The following SETDB2 variants were observed in gnomAD, a reference collection of about 807,000 sequenced individuals.
SETDB2 encodes the protein SET domain bifurcated histone lysine methyltransferase 2, also known as histone-lysine N-methyltransferase SETDB2.
Under a neutral mutation model 82.5 loss-of-function variants are expected in SETDB2, and 56 were observed. That is an observed-to-expected ratio of 0.68 (90% CI 0.55 to 0.85). The LOEUF (loss-of-function observed/expected upper bound fraction) is 0.85. Among genes scored for constraint, SETDB2 ranks in the 40% least tolerant of loss-of-function variants. The pLI, the probability that SETDB2 is intolerant of heterozygous loss-of-function variation, is 0.00. For missense variants in SETDB2, 677 were observed against 816.4 expected, an observed-to-expected ratio of 0.83 and a Z score of 2.08; for synonymous variants, 272 against 284.9, an observed-to-expected ratio of 0.95 and a Z score of 0.46.
At chr13:49,474,797 A>T (rs1286187812) in intron 5 of SETDB2, among the ~76,000 whole-genome samples, 2 of 152,236 alleles carry the variant, frequency 1.3e-5, no homozygotes, top group Admixed American at 1.3e-4. Context: ...TATGGTAGCC[A>T]CTAGCTGCAT....
In SETDB2 at chr13:49,490,823, A is replaced by G; in HGVS notation, c.1919A>G (p.His640Arg). Residue 640 changes from histidine to arginine, a missense_variant and splice_region_variant, in exon 13 of 14, where the codon CAT (histidine) becomes CGT (arginine). Transcript: ENST00000611815. ...TTTGTGTTTATTTTTATTTAACAGC[A>G]TAGTTGTTGCCCAAATCTCTTGGTA... ...KEGNVGRFLN[H>R]SCCPNLLVQN... The G allele has an allele frequency of 6.2e-7, 1 of 1,607,814 alleles. No homozygotes were observed. Among genetic ancestry groups the G allele is most frequent in the Non-Finnish European group, 8.5e-7 (1 of 1,175,772 alleles).
intron 2 of SETDB2, among the ~76,000 whole-genome samples, chr13:49,453,958 C>G (rs569761703): frequency 2.6e-5 from 4 of 152,108 alleles, no homozygotes; most frequent in South Asian, 4.2e-4. Context: ...TTAAGCTAAC[C>G]ATGAAATTAC....
intron 6 of SETDB2, 144 bp from the exon 7 acceptor site, chr13:49,480,075 G>T: frequency 3.6e-6 from 2 of 548,420 alleles, no homozygotes; most frequent in South Asian, 2.7e-5. Context: ...ATCTATTTAG[G>T]GAAAAAGCTG....
At chr13:49,460,938 C>T (rs1957980097) in intron 3 of SETDB2, among the ~76,000 whole-genome samples, 159 bp from the exon 4 acceptor site, 1 of 152,164 alleles carries the variant, frequency 6.6e-6, no homozygotes, top group Non-Finnish European at 1.5e-5. Flanking sequence ...ATAGCTTAAC[C>T]TCTGAGCCTC....
At chr13:49,467,832 A>G (rs1408611019) in intron 4 of SETDB2, 32 bp from the exon 5 acceptor site, 8 of 1,526,076 alleles carry the variant, frequency 5.2e-6, no homozygotes, top group African/African-American at 1.4e-5. Context: ...TTAACTTGGT[A>G]TATTTGTTGC....
At chr13:49,480,400 G>C in intron 7 of SETDB2, 65 bp downstream of exon 7, 8 of 941,124 alleles carry the variant, frequency 8.5e-6, no homozygotes, top group Non-Finnish European at 1.3e-5. Flanking sequence ...TTTTTATTGT[G>C]GTCCAAAATC....
intron 5 of SETDB2, among the ~76,000 whole-genome samples, chr13:49,475,428 A>G (rs1289063501): frequency 6.6e-6 from 1 of 152,174 alleles, no homozygotes; most frequent in African/African-American, 2.4e-5. Flanking sequence ...TATGTAAAAC[A>G]AAACTCAGAT....
intron 4 of SETDB2, among the ~76,000 whole-genome samples, chr13:49,467,171 A>G (rs1262386370): frequency 1.3e-5 from 2 of 152,130 alleles, no homozygotes; most frequent in African/African-American, 2.4e-5. Flanking sequence ...GCCCAGGTGC[A>G]CGGATCACTT....
intron 8 of SETDB2, chr13:49,482,073 C>A: frequency 1.0e-6 from 1 of 985,386 alleles, no homozygotes; most frequent in Non-Finnish European, 1.2e-6. Flanking sequence ...ATCTCTCATA[C>A]TTCTCAAAAT....
intron 5 of SETDB2, among the ~76,000 whole-genome samples, chr13:49,473,245 G>A (rs1254130819): frequency 1.3e-5 from 2 of 151,884 alleles, no homozygotes; most frequent in East Asian, 3.9e-4. Flanking sequence ...GAGCAAAACA[G>A]GAACCAAAAA....
intron 5 of SETDB2, among the ~76,000 whole-genome samples, chr13:49,468,647 A>G (rs915751356): frequency 1.7e-5 from 2 of 117,962 alleles, no homozygotes; most frequent in Non-Finnish European, 3.5e-5. Flanking sequence ...TTTCAGCTTA[A>G]TATTAAATTG....
chr13:49,463,529 G>C (rs1053490519), intron 4 of SETDB2, among the ~76,000 whole-genome samples: 2 of 152,146 alleles, frequency 1.3e-5, no homozygotes, highest in Non-Finnish European at 1.5e-5. Flanking sequence ...GGCATGAAAG[G>C]GTACAGAGGC....
chr13:49,446,330 C>T, intron 1 of SETDB2: 1 of 454,602 alleles, frequency 2.2e-6, no homozygotes, highest in South Asian at 1.6e-5. Context: ...TGAATAGCTT[C>T]CCGTATTTTT....
intron 8 of SETDB2, chr13:49,482,336 TTAAA>T (rs1463037745): frequency 6.1e-6 from 6 of 984,786 alleles, no homozygotes; most frequent in Non-Finnish European, 7.2e-6. Flanking sequence ...CACCACATAT[TTAAA>T]TAGGTACTTT....
intron 4 of SETDB2, among the ~76,000 whole-genome samples, chr13:49,462,062 T>C (rs1288331132): frequency 1.3e-5 from 2 of 152,182 alleles, no homozygotes; most frequent in Non-Finnish European, 1.5e-5. Context: ...TTTTGGGGTG[T>C]ACCACCCTCC....
chr13:49,448,946 A>C (rs1957740337), intron 1 of SETDB2, among the ~76,000 whole-genome samples: 1 of 152,126 alleles, frequency 6.6e-6, no homozygotes, highest in Non-Finnish European at 1.5e-5. Context: ...AATCTGGTGA[A>C]TTGTTCTGTC....
chr13:49,488,168 C>T, intron 11 of SETDB2, 122 bp from the exon 12 acceptor site: 1 of 1,341,486 alleles, frequency 7.5e-7, no homozygotes, highest in African/African-American at 1.5e-5. Flanking sequence ...AATAATACTA[C>T]CTGCCTAACA....
At chr13:49,473,444 G>A (rs71434472) in intron 5 of SETDB2, among the ~76,000 whole-genome samples, 2 of 151,370 alleles carry the variant, frequency 1.3e-5, no homozygotes, top group East Asian at 2.0e-4. Context: ...CCAGCTACTC[G>A]AGAGGCTGAG....
intron 11 of SETDB2, 51 bp downstream of exon 11, chr13:49,485,774 T>C: frequency 7.1e-7 from 1 of 1,400,330 alleles, no homozygotes; most frequent in Non-Finnish European, 1.0e-6. Flanking sequence ...TGTTTCTCTG[T>C]CTCTTGCTCA....
Sources: gnomAD v4.1 joint callset for allele counts (sites outside exome capture counted in the v4.1 genomes callset) on GRCh38, gnomAD v4.1.1 for gene constraint, MANE v1.5 for transcripts, NCBI Gene and HGNC (gene_info 2026-07-23, HGNC 2026-07-21) for gene names.